ANO1: variants seen among roughly 807,000 people sequenced by gnomAD.
The protein encoded by ANO1 is anoctamin 1.
Under a neutral mutation model 124.0 loss-of-function variants are expected in ANO1, and 59 were observed. The ratio of observed to expected loss-of-function variants is 0.48; its 90% CI spans 0.39 to 0.59. The LOEUF (loss-of-function observed/expected upper bound fraction) is 0.59. Among genes scored for constraint, ANO1 ranks in the 20% least tolerant of loss-of-function variants. The pLI is 0.00. For synonymous variants in ANO1, 529 were observed against 532.0 expected, an observed-to-expected ratio of 0.99 and a Z score of 0.08; for missense variants, 1,059 against 1,328.0, an observed-to-expected ratio of 0.80 and a Z score of 3.15.
chr11:70,108,486 G>A, intron 6 of ANO1, 82 bp downstream of exon 6: 1 of 1,488,298 alleles, frequency 6.7e-7, no homozygotes, highest in Non-Finnish European at 9.4e-7. Flanking sequence ...TGGGAGGCAG[G>A]CAGCCGGCTT....
At chr11:70,152,328 C>G in intron 12 of ANO1, 122 bp from the exon 13 acceptor site, 2 of 882,190 alleles carry the variant, frequency 2.3e-6, no homozygotes, top group Non-Finnish European at 3.4e-6. Flanking sequence ...GAGCAAGACT[C>G]CATCTCAAAA....
At chr11:70,034,656 T>C (rs1857063152) in intron 1 of ANO1, among the ~76,000 whole-genome samples, 1 of 152,136 alleles carries the variant, frequency 6.6e-6, no homozygotes, top group Non-Finnish European at 1.5e-5. Context: ...AGGCACTGCA[T>C]ATACAGAGGA....
chr11:70,031,204 C>G (rs1426857449), intron 1 of ANO1, among the ~76,000 whole-genome samples: 3 of 152,168 alleles, frequency 2.0e-5, no homozygotes, highest in African/African-American at 7.2e-5. Flanking sequence ...CTTGGTCTCC[C>G]CAAGTGCTGG....
upstream of ANO1, among the ~76,000 whole-genome samples, chr11:69,984,838 G>A (rs1856003418): frequency 6.6e-6 from 1 of 152,238 alleles, no homozygotes; most frequent in Non-Finnish European, 1.5e-5. Flanking sequence ...GTTGTCAGAT[G>A]ACCTTTCAAA....
At chr11:70,032,015 T>C (rs1857010746) in intron 1 of ANO1, among the ~76,000 whole-genome samples, 1 of 152,144 alleles carries the variant, frequency 6.6e-6, no homozygotes. Flanking sequence ...GTGGCTACTC[T>C]GTGATAGGCC....
At chr11:69,995,101 T>TG (rs56103264) in intron 1 of ANO1, among the ~76,000 whole-genome samples, 127,318 of 147,242 alleles carry the variant, frequency 0.86, 55,768 homozygotes, top group East Asian at 0.98. Context: ...CTGTTTTTTT[T>TG]TTTTTTTTTT....
chr11:70,016,390 G>A (rs1856704337), intron 1 of ANO1: 1 of 152,250 alleles, frequency 6.6e-6, no homozygotes, highest in African/African-American at 2.4e-5. Flanking sequence ...TGCGTGATGG[G>A]AGTGAAAACC....
chr11:70,103,736 C>G (rs2045372663), intron 3 of ANO1, among the ~76,000 whole-genome samples: 1 of 152,146 alleles, frequency 6.6e-6, no homozygotes, highest in Non-Finnish European at 1.5e-5. Context: ...ACTTGGATTA[C>G]CTCTTTTGAA....
chr11:70,133,527 C>T (rs1215962260), intron 11 of ANO1, among the ~76,000 whole-genome samples: 1 of 152,184 alleles, frequency 6.6e-6, no homozygotes, highest in Non-Finnish European at 1.5e-5. Flanking sequence ...GGGACTGAAG[C>T]ACCAGCACCC....
chr11:70,042,492 A>G (rs1007559915), intron 1 of ANO1, among the ~76,000 whole-genome samples: 17 of 151,914 alleles, frequency 1.1e-4, no homozygotes, highest in African/African-American at 4.1e-4. Context: ...GTATGCACGC[A>G]CACACACACA....
the ANO1 span, among the ~76,000 whole-genome samples, chr11:69,980,763 T>C: frequency 1.3e-5 from 2 of 150,850 alleles, no homozygotes; most frequent in East Asian, 4.0e-4. Context: ...AATTAAAAAA[T>C]AAAGTATGGG....
At chr11:70,139,902 G>A (rs2047088065) in intron 11 of ANO1, among the ~76,000 whole-genome samples, 1 of 152,216 alleles carries the variant, frequency 6.6e-6, no homozygotes, top group African/African-American at 2.4e-5. Flanking sequence ...CGTGTGTGCT[G>A]AACACGTGCC....
chr11:69,971,118 A>G, the ANO1 span, among the ~76,000 whole-genome samples: 31 of 152,342 alleles, frequency 2.0e-4, no homozygotes, highest in South Asian at 6.0e-3. Flanking sequence ...GAGAACTGTC[A>G]GTCTGTGACA....
chr11:70,114,817 T>C (rs1235632586), intron 7 of ANO1, among the ~76,000 whole-genome samples: 1 of 152,170 alleles, frequency 6.6e-6, no homozygotes, highest in Non-Finnish European at 1.5e-5. Flanking sequence ...GAGAATTGCT[T>C]GAACTCGGGA....
At chr11:70,012,674 T>C (rs1008403859) in intron 1 of ANO1, among the ~76,000 whole-genome samples, 2 of 151,960 alleles carry the variant, frequency 1.3e-5, no homozygotes, top group African/African-American at 2.4e-5. Flanking sequence ...CATTATTCCA[T>C]CTATCCGTCC....
chr11:70,154,187 C>T (rs938629209), intron 14 of ANO1, among the ~76,000 whole-genome samples: 9 of 152,152 alleles, frequency 5.9e-5, no homozygotes, highest in South Asian at 2.1e-4. Flanking sequence ...TGAGGGCAGT[C>T]GAGGGAGCTC....
Position 70,126,131 on chromosome 11 carries a change from G to A in ANO1, c.1033G>A (p.Ala345Thr). Reference sequence around the variant, plus strand: ...CGTGTACACCCAGATGCTCATCCCTGCCTCCATCGTGGGAATCATTGTCTT... The same window carrying A: ...CGTGTACACCCAGATGCTCATCCCTACCTCCATCGTGGGAATCATTGTCTT... The part of the protein sequence containing the change: ...LGVYTQMLIP[A>T]SIVGIIVFLY... Residue 345 changes from alanine (A) to threonine (T), a missense_variant, in exon 10 of 26, where the codon GCC (alanine) becomes ACC (threonine). By Grantham distance (58) the Ala-to-Thr change is moderately conservative. Around this residue, in one of 2 missense-constraint regions of ANO1, gnomAD observed 809 missense variants for 1,094.9 expected, o/e 0.74. Coordinates refer to ENST00000355303, the MANE Select transcript of ANO1 (RefSeq NM_018043.7). The A allele has an allele frequency of 1.2e-6, 2 of 1,613,738 alleles. No homozygotes were observed. Among genetic ancestry groups the A allele is most frequent in the Non-Finnish European group, 1.7e-6 (2 of 1,179,768 alleles).
the ANO1 span, among the ~76,000 whole-genome samples, chr11:69,975,035 G>C: frequency 1.3e-5 from 2 of 152,344 alleles, no homozygotes; most frequent in South Asian, 4.1e-4. Context: ...GCTGGAGCTG[G>C]AGGGGCTGGC....
intron 25 of ANO1, among the ~76,000 whole-genome samples, chr11:70,186,701 C>T (rs537397705): frequency 1.3e-5 from 2 of 152,256 alleles, no homozygotes; most frequent in South Asian, 2.1e-4. Context: ...AGATTCTGCT[C>T]GCAGGTGTCC....
Sources: allele counts gnomAD v4.1 joint callset (sites outside exome capture counted in the v4.1 genomes callset), GRCh38; gene constraint gnomAD v4.1.1; regional missense constraint gnomAD v4.1.1; transcripts MANE v1.5; gene names NCBI Gene and HGNC (gene_info 2026-07-23, HGNC 2026-07-21).